Variants in USH2A observed in about 807,000 individuals in gnomAD.
USH2A encodes Usher syndrome 2A (autosomal recessive, mild).
Under a neutral mutation model 538.9 loss-of-function variants are expected in USH2A, and 443 were observed. The observed-to-expected ratio is 0.82, with a 90% confidence interval of 0.76 to 0.89. USH2A has a LOEUF of 0.89. Among genes scored for constraint, USH2A ranks in the 40% least tolerant of loss-of-function variants. The pLI is 0.00. For missense variants in USH2A, 6,633 were observed against 6,324.8 expected (o/e 1.05, Z -1.65); for synonymous variants, 2,413 against 2,273.5 (o/e 1.06, Z -1.75).
intron 3 of USH2A, among the ~76,000 whole-genome samples, chr1:216,376,773 G>T (rs1329190074): frequency 6.6e-6 from 1 of 152,084 alleles, no homozygotes; most frequent in Non-Finnish European, 1.5e-5. Flanking sequence ...TATGTAGACA[G>T]ATATATAGAA....
intron 32 of USH2A, among the ~76,000 whole-genome samples, chr1:216,022,645 T>G (rs995467431): frequency 3.3e-5 from 5 of 152,186 alleles, no homozygotes; most frequent in Non-Finnish European, 5.9e-5. Context: ...AAAGACATTT[T>G]TCCACCACTA....
chr1:215,651,459 G>T (rs1293050186), intron 64 of USH2A, among the ~76,000 whole-genome samples: 1 of 152,028 alleles, frequency 6.6e-6, no homozygotes. Flanking sequence ...GATCTAAATG[G>T]CAATACAAGA....
chr1:215,857,174 T>C (rs568223527), intron 44 of USH2A, among the ~76,000 whole-genome samples: 32 of 152,046 alleles, frequency 2.1e-4, no homozygotes, highest in Non-Finnish European at 4.0e-4. Context: ...AAAGAACTTA[T>C]TCGTGTACAA....
intron 38 of USH2A, among the ~76,000 whole-genome samples, chr1:215,908,400 C>A (rs1055427890): frequency 1.3e-5 from 2 of 151,794 alleles, no homozygotes; most frequent in African/African-American, 2.4e-5. Context: ...ACTTATTAAA[C>A]AAATGATAAA....
chr1:216,365,185 T>C (rs2038571865), intron 3 of USH2A, 100 bp from the exon 4 acceptor site: 5 of 1,382,568 alleles, frequency 3.6e-6, no homozygotes, highest in Admixed American at 4.6e-5. Flanking sequence ...CTTTCTTCTT[T>C]ACTTTGTTCA....
intron 3 of USH2A, among the ~76,000 whole-genome samples, chr1:216,367,146 C>T (rs1249742668): frequency 2.6e-5 from 4 of 152,156 alleles, no homozygotes; most frequent in Non-Finnish European, 4.4e-5. Context: ...GAGGGAAACA[C>T]ATTTGTTCTA....
intron 64 of USH2A, among the ~76,000 whole-genome samples, chr1:215,655,189 A>G (rs184550737): frequency 6.6e-6 from 1 of 152,356 alleles, no homozygotes; most frequent in African/African-American, 2.4e-5. Context: ...ACAAAGGCCT[A>G]TTCTTTATAG....
Position 216,092,970 on chromosome 1 carries a change from AT to A in USH2A, c.4759-3832del, listed in dbSNP as rs200547548. Among the ~76,000 whole-genome samples the A allele has an allele frequency of 3.9e-3, 567 of 145,832 alleles. 1 individual carries two copies. The highest frequency in any genetic ancestry group is 7.3e-3 in the Middle Eastern group (2 of 274). ...TTTAGCCCCCAACTTGGCTTTAACA[AT>A]TTTTTTTTTTTTGAGACAAGGTCTC... On this transcript the variant is annotated intron_variant, in intron 22 of 71. Transcript: ENST00000307340.
At chr1:215,798,486 C>A (rs1662205090) in intron 50 of USH2A, among the ~76,000 whole-genome samples, 1 of 152,064 alleles carries the variant, frequency 6.6e-6, no homozygotes, top group Non-Finnish European at 1.5e-5. Context: ...AATATTGGCA[C>A]AGTGTCTGTT....
intron 54 of USH2A, among the ~76,000 whole-genome samples, chr1:215,781,202 G>A (rs571986997): frequency 1.3e-5 from 2 of 152,012 alleles, no homozygotes; most frequent in East Asian, 3.9e-4. Flanking sequence ...TTCCCATACA[G>A]ATCTTTCTAG....
intron 38 of USH2A, among the ~76,000 whole-genome samples, chr1:215,921,036 A>G (rs571055246): frequency 5.8e-4 from 88 of 152,080 alleles, no homozygotes; most frequent in Non-Finnish European, 1.1e-3. Flanking sequence ...TACAGGAAGA[A>G]AAAGATTCTT....
In USH2A at chr1:215,948,044, T is replaced by C. The variant is rs541317563; in HGVS notation, c.7121-13249A>G. 2.0e-5 allele frequency among the ~76,000 whole-genome samples: 3 copies of C among 152,146 alleles called. No homozygotes were observed. The East Asian group carries it at 5.8e-4, about 29-fold the overall frequency. On this transcript the variant is annotated intron_variant, in intron 37 of 71. Coordinates refer to ENST00000307340, the MANE Select transcript of USH2A (RefSeq NM_206933.4). ...GATTCAAGCAAAAGTAAAGTGATAA[T>C]AAATAATAATTGCAATTGCTGGGCT...
intron 49 of USH2A, among the ~76,000 whole-genome samples, chr1:215,799,686 G>A (rs1662262258): frequency 6.6e-6 from 1 of 152,062 alleles, no homozygotes; most frequent in Non-Finnish European, 1.5e-5. Context: ...GGAAATTTGG[G>A]ATAAGAATAA....
chr1:216,111,337 C>A (rs1386803197), intron 21 of USH2A, among the ~76,000 whole-genome samples: 1 of 152,134 alleles, frequency 6.6e-6, no homozygotes, highest in Non-Finnish European at 1.5e-5. Flanking sequence ...AGTGTTGAGA[C>A]GAGGATGAAA....
chr1:215,812,598 T>C (rs747460414), intron 49 of USH2A, among the ~76,000 whole-genome samples: 3 of 152,190 alleles, frequency 2.0e-5, no homozygotes, highest in Non-Finnish European at 4.4e-5. Context: ...ACTAGATATC[T>C]CAAAGTATTC....
Position 216,418,795 on chromosome 1 carries a change from T to C in USH2A, c.486-116A>G, listed in dbSNP as rs2039623690. 22 of 1,035,646 alleles carry C rather than the reference T, an allele frequency of 2.1e-5. No individual in the cohort carries two copies. In the Admixed American group the frequency reaches 3.7e-4, roughly 17 times the overall value. The allele number at this position is 1,035,646 out of a possible 1,614,324, so 64.2% of individuals were successfully genotyped here. A position where few individuals can be genotyped will look rare whatever the true frequency, so the allele number is the denominator to read the frequency against. On this transcript the variant is annotated intron_variant, in intron 2 of 71. Transcript: ENST00000307340. Reference sequence around the variant, plus strand: ...ACCTCAAACTTTGCTCAAAATGGTGTACTATGAATAAGTGCCTGAATGTCA... The same window carrying C: ...ACCTCAAACTTTGCTCAAAATGGTGCACTATGAATAAGTGCCTGAATGTCA...
intron 4 of USH2A, among the ~76,000 whole-genome samples, chr1:216,331,972 G>T (rs2037873095): frequency 6.6e-6 from 1 of 152,094 alleles, no homozygotes; most frequent in African/African-American, 2.4e-5. Flanking sequence ...CAACAATGTG[G>T]ACAGTGTTTA....
chr1:216,255,517 T>C (rs1016117121), intron 11 of USH2A, among the ~76,000 whole-genome samples: 1 of 152,336 alleles, frequency 6.6e-6, no homozygotes, highest in Middle Eastern at 3.4e-3. Flanking sequence ...TTAGTTAGTT[T>C]CCAAATATTT....
At chr1:215,924,506 T>C (rs976315239) in intron 38 of USH2A, among the ~76,000 whole-genome samples, 4 of 152,068 alleles carry the variant, frequency 2.6e-5, no homozygotes, top group African/African-American at 9.7e-5. Flanking sequence ...GAACAAGATA[T>C]TATTTTAAAG....
Sources: allele counts gnomAD v4.1 joint callset (sites outside exome capture counted in the v4.1 genomes callset), GRCh38; gene constraint gnomAD v4.1.1; transcripts MANE v1.5; gene names NCBI Gene and HGNC (gene_info 2026-07-23, HGNC 2026-07-21).